Variants in BBS9 observed in about 807,000 individuals in gnomAD.
The protein encoded by BBS9 is Bardet-Biedl syndrome 9.
BBS9 carries 89 observed loss-of-function variants against 117.7 expected under a neutral mutation model. The ratio of observed to expected loss-of-function variants is 0.76; its 90% CI spans 0.64 to 0.90. The LOEUF (loss-of-function observed/expected upper bound fraction) is 0.90, where lower values mean the gene tolerates loss of function less well. Among genes scored for constraint, BBS9 ranks in the 40% least tolerant of loss-of-function variants. The probability of loss-of-function intolerance (pLI) is 0.00; values close to 1 mark genes in which losing one functional copy is unlikely to be tolerated. For missense variants in BBS9, 982 were observed against 1,042.2 expected (o/e 0.94, Z 0.80); for synonymous variants, 379 against 370.9 (o/e 1.02, Z -0.25).
At position 33,611,703 on chromosome 7, in the gene BBS9, A is replaced by G. The variant is rs1480590199; in HGVS notation, c.2522-23474A>G. ...CTTAATTAATAATTAATATTAATAT[A>G]TATAAGGTGTATTATATATAATATT... On this transcript the variant is annotated intron_variant, in intron 21 of 21. Coordinates refer to the BBS9 transcript ENST00000671952. Among the ~76,000 whole-genome samples the G allele has an allele frequency of 7.2e-5, 10 of 138,866 alleles. No homozygotes were observed. In the East Asian group the frequency reaches 2.0e-3, roughly 28 times the overall value. The allele number at this position is 138,866 out of a possible 152,430, so 91.1% of individuals were successfully genotyped here. A position where few individuals can be genotyped will look rare whatever the true frequency, so the allele number is the denominator to read the frequency against.
chr7:33,445,474 A>G (rs1836851900), intron 19 of BBS9, among the ~76,000 whole-genome samples: 3 of 152,196 alleles, frequency 2.0e-5, no homozygotes, highest in Admixed American at 6.5e-5. Context: ...TTAGTAAACT[A>G]CTTGTATGTT....
intron 4 of BBS9, 30 bp downstream of exon 4, chr7:33,155,732 T>A: frequency 7.8e-7 from 1 of 1,277,480 alleles, no homozygotes; most frequent in Non-Finnish European, 1.1e-6. Context: ...ATGTAGAATT[T>A]ATATTACAAA....
At position 33,139,281 on chromosome 7, in the gene BBS9, C is replaced by CA. The variant is rs199766750; in HGVS notation, c.-11-6954dup. Among the ~76,000 whole-genome samples the CA allele has an allele frequency of 4.3e-3, 643 of 150,856 alleles. 5 individuals carry two copies. The highest frequency in any genetic ancestry group is 0.015 in the African/African-American group (623 of 41,258). On this transcript the variant is annotated intron_variant, in intron 1 of 22. Transcript: ENST00000242067. ...AACAAAAACAAAAAACAAAACAAAA[C>CA]AAAAAAACAAGTTAATGAGAAATGA...
intron 20 of BBS9, among the ~76,000 whole-genome samples, chr7:33,511,077 C>T (rs1363958704): frequency 2.0e-5 from 3 of 152,038 alleles, no homozygotes; most frequent in Non-Finnish European, 2.9e-5. Flanking sequence ...TTCCTATTCC[C>T]CCATGTGGCC....
At chr7:33,549,781 A>G (rs112987442) in intron 21 of BBS9, among the ~76,000 whole-genome samples, 4 of 152,328 alleles carry the variant, frequency 2.6e-5, no homozygotes, top group African/African-American at 7.2e-5. Flanking sequence ...AAATAGCACA[A>G]TGGAAATCTG....
chr7:33,411,473 A>C (rs1831130377), intron 19 of BBS9, among the ~76,000 whole-genome samples: 1 of 152,212 alleles, frequency 6.6e-6, no homozygotes, highest in African/African-American at 2.4e-5. Context: ...GTCTTCTTGA[A>C]GTAAACCACA....
intron 19 of BBS9, among the ~76,000 whole-genome samples, chr7:33,503,152 C>T (rs898239880): frequency 6.6e-6 from 1 of 152,080 alleles, no homozygotes; most frequent in Non-Finnish European, 1.5e-5. Context: ...TGCTCCATTG[C>T]CCTATCAATT....
chr7:33,306,831 A>G (rs1808108033), intron 9 of BBS9, among the ~76,000 whole-genome samples: 1 of 152,170 alleles, frequency 6.6e-6, no homozygotes, highest in Non-Finnish European at 1.5e-5. Flanking sequence ...AAGCATAGAA[A>G]TGCCCCTTCA....
intron 21 of BBS9, among the ~76,000 whole-genome samples, chr7:33,611,797 T>C (rs1166651542): frequency 1.4e-5 from 2 of 140,718 alleles, no homozygotes; most frequent in Non-Finnish European, 3.0e-5. Flanking sequence ...ATATATGGTA[T>C]ATATTATACC....
chr7:33,329,489 A>C lies in BBS9; in HGVS notation c.1017-6952A>C, dbSNP rs555883277. Among the ~76,000 whole-genome samples, 3 of 152,088 alleles carry C rather than the reference A, an allele frequency of 2.0e-5. No individual in the cohort carries two copies. The South Asian group carries it at 6.2e-4, about 31-fold the overall frequency. Reference sequence around the variant, plus strand: ...ATGCAGTATTATGTTTTACTTTTACATTTATTATTTTTTCTGATAACAGAT... The same window carrying C: ...ATGCAGTATTATGTTTTACTTTTACCTTTATTATTTTTTCTGATAACAGAT... On this transcript the variant is annotated intron_variant, in intron 9 of 22. Coordinates refer to ENST00000242067, the MANE Select transcript of BBS9 (RefSeq NM_198428.3).
At chr7:33,593,976 A>C (rs1433752431) in intron 21 of BBS9, among the ~76,000 whole-genome samples, 1 of 152,148 alleles carries the variant, frequency 6.6e-6, no homozygotes, top group East Asian at 1.9e-4. Flanking sequence ...AGTGAGTCTA[A>C]ATTCTAACCA....
rs190468569 is a variant in BBS9 at position 33,485,810 on chromosome 7, G to A, written c.2116-19653G>A. On this transcript the variant is annotated intron_variant, in intron 19 of 22. Transcript: ENST00000242067. ...ATTGATTAGGTGTGAACCTTAAGAAGGCTATTGGATCACTTTAACCAAATT... is the reference window on the plus strand; with the variant it reads ...ATTGATTAGGTGTGAACCTTAAGAAAGCTATTGGATCACTTTAACCAAATT... 2.5e-3 allele frequency among the ~76,000 whole-genome samples: 378 copies of A among 152,216 alleles called. 5 individuals carry two copies. In the South Asian group the frequency reaches 0.035, roughly 14 times the overall value.
intron 11 of BBS9, among the ~76,000 whole-genome samples, chr7:33,344,230 C>T (rs1313319630): frequency 6.6e-6 from 1 of 150,934 alleles, no homozygotes; most frequent in Admixed American, 6.6e-5. Flanking sequence ...TACAGGCGCC[C>T]GCCACCGGGC....
intron 9 of BBS9, among the ~76,000 whole-genome samples, chr7:33,306,448 C>T (rs771579413): frequency 3.9e-5 from 6 of 151,920 alleles, no homozygotes; most frequent in South Asian, 2.1e-4. Context: ...ATGTAGAAAA[C>T]GGAAAATATG....
intron 19 of BBS9, among the ~76,000 whole-genome samples, chr7:33,453,258 T>A (rs1159340834): frequency 6.6e-6 from 1 of 152,140 alleles, no homozygotes; most frequent in Non-Finnish European, 1.5e-5. Context: ...GCAGCTGAGT[T>A]AAAGGGAAGA....
intron 17 of BBS9, among the ~76,000 whole-genome samples, chr7:33,376,520 T>G (rs1300856887): frequency 1.3e-5 from 2 of 152,218 alleles, no homozygotes; most frequent in Non-Finnish European, 2.9e-5. Context: ...GCATGTATCT[T>G]TATGGTAGAA....
intron 16 of BBS9, among the ~76,000 whole-genome samples, chr7:33,363,279 T>G (rs1386124959): frequency 3.9e-5 from 6 of 152,076 alleles, no homozygotes; most frequent in Admixed American, 2.0e-4. Flanking sequence ...ATTTTTGTAT[T>G]TTTAGTAGAG....
intron 21 of BBS9, among the ~76,000 whole-genome samples, chr7:33,575,992 G>A (rs550946677): frequency 2.0e-4 from 31 of 152,238 alleles, no homozygotes; most frequent in East Asian, 9.6e-4. Flanking sequence ...TTGAAAACAC[G>A]CACAAGACAA....
At chr7:33,129,340 A>C (rs116951151), upstream of BBS9, 13 of 527,564 alleles carry the variant, frequency 2.5e-5, no homozygotes, top group East Asian at 4.1e-4. Flanking sequence ...TCCTTAAGGA[A>C]CTGCTGCCAG....
Sources: gnomAD v4.1 joint callset for allele counts (sites outside exome capture counted in the v4.1 genomes callset) on GRCh38, gnomAD v4.1.1 for gene constraint, MANE v1.5 for transcripts, NCBI Gene and HGNC (gene_info 2026-07-23, HGNC 2026-07-21) for gene names.